The following LHFPL6 variants were observed in gnomAD, a reference collection of about 807,000 sequenced individuals.
LHFPL6 encodes the protein LHFPL tetraspan subfamily member 6 protein.
LHFPL6 carries 9 observed loss-of-function variants against 20.6 expected under a neutral mutation model. The observed-to-expected ratio is 0.44, with a 90% confidence interval of 0.26 to 0.76. The LOEUF is 0.76. LHFPL6 is among the 30% of genes least tolerant of loss of function. LHFPL6 has a pLI of 0.20. For synonymous variants in LHFPL6, 105 were observed against 98.7 expected (o/e 1.06, Z -0.38); for missense variants, 218 against 253.5 (o/e 0.86, Z 0.95).
intron 2 of LHFPL6, among the ~76,000 whole-genome samples, chr13:39,526,144 T>C (rs1305276684): frequency 1.3e-5 from 2 of 152,184 alleles, no homozygotes. Flanking sequence ...TCTTGTTCAA[T>C]AGACAGTAAC....
chr13:39,518,572 A>C (rs1279922941), intron 2 of LHFPL6, among the ~76,000 whole-genome samples: 3 of 152,170 alleles, frequency 2.0e-5, no homozygotes, highest in Non-Finnish European at 4.4e-5. Flanking sequence ...GTAAGTTTCT[A>C]AATCTTTCCA....
chr13:39,369,580 T>TTCCC (rs1870104942), intron 3 of LHFPL6, among the ~76,000 whole-genome samples: 1 of 143,592 alleles, frequency 7.0e-6, no homozygotes, highest in Non-Finnish European at 1.5e-5. Flanking sequence ...CCTTCCTTCC[T>TTCCC]TCCTTCCTTC....
In LHFPL6 at chr13:39,600,969, C is replaced by T; in HGVS notation, c.248G>A (p.Arg83Lys). 6.2e-7 allele frequency: 1 copy of T among 1,613,172 alleles called. No individual in the cohort carries two copies. The highest frequency in any genetic ancestry group is 2.2e-5 in the East Asian group (1 of 44,842). ...CAGGCCGGTCACTATGGTGCAGATCCTCCATTCTGCGCTGGGGATGCCCTG... is the reference window on the plus strand; with the variant it reads ...CAGGCCGGTCACTATGGTGCAGATCTTCCATTCTGCGCTGGGGATGCCCTG... ...SFQGIPSAEW[R>K]ICTIVTGLGC... Residue 83 changes from arginine to lysine, a missense_variant, in exon 2 of 4, where the codon AGG (arginine) becomes AAG (lysine). Transcript: ENST00000379589.
chr13:39,402,221 A>G (rs971155738), intron 2 of LHFPL6, among the ~76,000 whole-genome samples: 2 of 152,130 alleles, frequency 1.3e-5, no homozygotes, highest in African/African-American at 4.8e-5. Context: ...AAAATTAATT[A>G]ATTAATATTT....
chr13:39,459,194 ATG>A (rs58955444), intron 2 of LHFPL6, among the ~76,000 whole-genome samples: 15,263 of 135,744 alleles, frequency 0.11, 890 homozygotes, highest in African/African-American at 0.17. Flanking sequence ...AAGTTCCTTA[ATG>A]TGTGTGTGTG....
At chr13:39,467,333 A>G (rs1259914889) in intron 2 of LHFPL6, among the ~76,000 whole-genome samples, 5 of 152,134 alleles carry the variant, frequency 3.3e-5, no homozygotes, top group South Asian at 2.1e-4. Flanking sequence ...GAATGAATCA[A>G]TCTCCTCCCA....
intron 3 of LHFPL6, among the ~76,000 whole-genome samples, chr13:39,358,590 G>A (rs985946592): frequency 2.2e-5 from 2 of 92,694 alleles, no homozygotes; most frequent in Admixed American, 1.2e-4. Flanking sequence ...AATGATCAAC[G>A]GAGTAAACAG....
chr13:39,378,517 A>G lies in LHFPL6; in HGVS notation c.395T>C (p.Ile132Thr). 6.2e-7 allele frequency: 1 copy of G among 1,613,684 alleles called. No individual in the cohort carries two copies. The highest frequency in any genetic ancestry group is 1.1e-5 in the South Asian group (1 of 91,064). The change falls in exon 3 of 4, where the codon ATT (isoleucine) becomes ACT (threonine). Residue 132 changes from isoleucine to threonine, a missense_variant. Ile to Thr is a moderately conservative substitution (Grantham distance 89). Coordinates refer to ENST00000379589, the MANE Select transcript of LHFPL6 (RefSeq NM_005780.3). ...GGGGTAGAGGGCACAGCCAGCACCA[A>G]TCAACAAGCCTGCAAAGAGATAAGA... is the stretch of plus-strand genomic sequence containing the variant. Reference protein sequence around the residue: ...GGIQFLGGLLIGAGCALYPLG... With the variant: ...GGIQFLGGLLTGAGCALYPLG...
intron 2 of LHFPL6, among the ~76,000 whole-genome samples, chr13:39,473,968 T>C (rs892449625): frequency 6.6e-6 from 1 of 152,316 alleles, no homozygotes; most frequent in Admixed American, 6.5e-5. Flanking sequence ...CCAGTAAATT[T>C]CCAATTACAT....
At chr13:39,377,716 A>G (rs775553616) in intron 3 of LHFPL6, among the ~76,000 whole-genome samples, 2 of 152,262 alleles carry the variant, frequency 1.3e-5, no homozygotes, top group African/African-American at 2.4e-5. Context: ...CTATGGTTAC[A>G]AATGAAAACT....
chr13:39,484,042 C>A (rs935627738), intron 2 of LHFPL6, among the ~76,000 whole-genome samples: 2 of 152,082 alleles, frequency 1.3e-5, no homozygotes, highest in African/African-American at 4.8e-5. Context: ...TAAGTATTGG[C>A]TCTTCTCAAA....
rs142752947 is a variant in LHFPL6, at chr13:39,353,237, C to T, written c.485-9183G>A. 7.4e-3 allele frequency among the ~76,000 whole-genome samples: 1,112 copies of T among 151,120 alleles called. 19 individuals carry two copies. Among genetic ancestry groups the T allele is most frequent in the African/African-American group, 0.026 (1,056 of 41,236 alleles). On this transcript the variant is annotated intron_variant, in intron 3 of 3. Coordinates refer to ENST00000379589, the MANE Select transcript of LHFPL6 (RefSeq NM_005780.3). ...CTGACCTCAGATAATCCAGCCGCCT[C>T]GGCCTTCCAAAGTGCTGAGATTACA...
chr13:39,573,037 G>C (rs1321371271), intron 2 of LHFPL6, among the ~76,000 whole-genome samples: 1 of 152,128 alleles, frequency 6.6e-6, no homozygotes. Context: ...GAAACAACCA[G>C]GATTGAAACT....
intron 2 of LHFPL6, among the ~76,000 whole-genome samples, chr13:39,531,025 C>A (rs183497738): frequency 7.7e-4 from 117 of 151,860 alleles, no homozygotes; most frequent in African/African-American, 2.4e-3. Flanking sequence ...CATGAGGTGT[C>A]TACACTAATA....
intron 3 of LHFPL6, among the ~76,000 whole-genome samples, chr13:39,377,198 T>C (rs957528544): frequency 4.6e-5 from 7 of 152,234 alleles, no homozygotes; most frequent in Non-Finnish European, 1.0e-4. Flanking sequence ...CAATCCCACT[T>C]CTTCATTAAA....
At chr13:39,483,591 A>G (rs75444787) in intron 2 of LHFPL6, among the ~76,000 whole-genome samples, 2,044 of 150,666 alleles carry the variant, frequency 0.014, 43 homozygotes, top group African/African-American at 0.048. Context: ...GTGTTTTGCT[A>G]TAGATTCCTT....
chr13:39,542,127 A>ATAATAATAATAC (rs1870826511), intron 2 of LHFPL6, among the ~76,000 whole-genome samples: 1 of 142,244 alleles, frequency 7.0e-6, no homozygotes, highest in Non-Finnish European at 1.5e-5. Context: ...AATAATAATA[A>ATAATAATAATAC]TAATAAAATA....
intron 2 of LHFPL6, among the ~76,000 whole-genome samples, chr13:39,529,319 T>C (rs989315951): frequency 6.6e-6 from 1 of 152,182 alleles, no homozygotes; most frequent in African/African-American, 2.4e-5. Flanking sequence ...CTCGAACTCC[T>C]GATCTCAGGT....
At chr13:39,499,189 A>G (rs1869207389) in intron 2 of LHFPL6, among the ~76,000 whole-genome samples, 1 of 152,174 alleles carries the variant, frequency 6.6e-6, no homozygotes. Context: ...TCTTAACCTC[A>G]TGATGACTAT....
Sources: allele counts gnomAD v4.1 joint callset (sites outside exome capture counted in the v4.1 genomes callset), GRCh38; gene constraint gnomAD v4.1.1; transcripts MANE v1.5; gene names NCBI Gene and HGNC (gene_info 2026-07-23, HGNC 2026-07-21).